The following DAB1 variants were observed in gnomAD, a reference collection of about 807,000 sequenced individuals.
DAB1 encodes DAB adaptor protein 1.
DAB1 carries 15 observed loss-of-function variants against 64.6 expected under a neutral mutation model. That is an observed-to-expected ratio of 0.23 (90% CI 0.16 to 0.36). The LOEUF (loss-of-function observed/expected upper bound fraction) is 0.36. Among genes scored for constraint, DAB1 ranks in the 10% least tolerant of loss-of-function variants. The probability of loss-of-function intolerance (pLI) is 1.00; values close to 1 mark genes in which losing one functional copy is unlikely to be tolerated. For missense variants in DAB1, 596 were observed against 706.7 expected (o/e 0.84, Z 1.78); for synonymous variants, 235 against 251.9 (o/e 0.93, Z 0.64).
At chr1:58,211,015 C>T (rs1658527055) in intron 4 of DAB1, among the ~76,000 whole-genome samples, 2 of 152,158 alleles carry the variant, frequency 1.3e-5, no homozygotes, top group Admixed American at 1.3e-4. Flanking sequence ...CTTGCAGTGG[C>T]CCTGAGGTAG....
chr1:58,393,046 A>G (rs910459624), intron 3 of DAB1, among the ~76,000 whole-genome samples: 3 of 151,614 alleles, frequency 2.0e-5, no homozygotes, highest in African/African-American at 7.3e-5. Context: ...CTCACTATAA[A>G]CACTCTCACT....
At chr1:58,381,450 T>A (rs544060173) in intron 3 of DAB1, among the ~76,000 whole-genome samples, 3 of 152,306 alleles carry the variant, frequency 2.0e-5, no homozygotes, top group African/African-American at 7.2e-5. Flanking sequence ...TTAATACACG[T>A]TAAAGGCCTG....
chr1:58,069,246 A>G (rs1037236075), intron 5 of DAB1, among the ~76,000 whole-genome samples: 1 of 152,188 alleles, frequency 6.6e-6, no homozygotes, highest in African/African-American at 2.4e-5. Context: ...CTTACTGTAT[A>G]CCAGGCACTG....
intron 1 of DAB1, among the ~76,000 whole-genome samples, chr1:57,297,507 T>C (rs761415173): frequency 6.6e-5 from 10 of 151,396 alleles, no homozygotes; most frequent in Non-Finnish European, 1.0e-4. Context: ...TGTATGTGTA[T>C]GCATATATGT....
intron 7 of DAB1, among the ~76,000 whole-genome samples, chr1:57,541,521 G>C (rs906061552): frequency 6.6e-6 from 1 of 152,144 alleles, no homozygotes; most frequent in Non-Finnish European, 1.5e-5. Context: ...AACAAAGGAG[G>C]CTTTCTGAGA....
chr1:58,402,114 C>A (rs1031540435), intron 3 of DAB1, among the ~76,000 whole-genome samples: 20 of 152,106 alleles, frequency 1.3e-4, no homozygotes, highest in Admixed American at 2.0e-4. Context: ...AGGGGCCCTG[C>A]ATTCATATGC....
chr1:58,475,876 A>G (rs1367581878), intron 3 of DAB1, among the ~76,000 whole-genome samples: 1 of 152,222 alleles, frequency 6.6e-6, no homozygotes, highest in African/African-American at 2.4e-5. Flanking sequence ...ATAATTTGGA[A>G]AAAACTAAAC....
intron 4 of DAB1, among the ~76,000 whole-genome samples, chr1:58,317,393 A>T (rs1239651853): frequency 1.3e-5 from 2 of 152,386 alleles, no homozygotes; most frequent in Admixed American, 6.5e-5. Context: ...GAGCTTGAAA[A>T]AGGGAGATTA....
At chr1:58,057,788 T>A (rs770481981) in intron 5 of DAB1, among the ~76,000 whole-genome samples, 20 of 152,168 alleles carry the variant, frequency 1.3e-4, no homozygotes, top group Non-Finnish European at 5.9e-5. Flanking sequence ...GGAATACATA[T>A]ACCCACCAAC....
intron 5 of DAB1, among the ~76,000 whole-genome samples, chr1:58,114,217 A>G (rs1199980118): frequency 6.6e-6 from 1 of 152,138 alleles, no homozygotes; most frequent in East Asian, 1.9e-4. Context: ...AGCTGAGATC[A>G]AGCCACTGCA....
chr1:57,916,449 C>A (rs1644728286), intron 5 of DAB1, among the ~76,000 whole-genome samples: 1 of 152,244 alleles, frequency 6.6e-6, no homozygotes, highest in African/African-American at 2.4e-5. Flanking sequence ...CTTGACATTT[C>A]AATCTTTCCA....
At chr1:58,127,299 TG>T (rs1393965577) in intron 5 of DAB1, among the ~76,000 whole-genome samples, 5 of 152,186 alleles carry the variant, frequency 3.3e-5, no homozygotes, top group Non-Finnish European at 5.9e-5. Flanking sequence ...CACTTTTTGA[TG>T]GGGTTGTTTG....
intron 1 of DAB1, among the ~76,000 whole-genome samples, chr1:57,870,684 AG>A (rs1439962104): frequency 6.6e-6 from 1 of 152,164 alleles, no homozygotes; most frequent in Non-Finnish European, 1.5e-5. Flanking sequence ...AGATTCTGCT[AG>A]GCATACAGCA....
chr1:58,043,034 C>T (rs11207157), intron 5 of DAB1, among the ~76,000 whole-genome samples: 69,173 of 151,930 alleles, frequency 0.46, 15,979 homozygotes, highest in African/African-American at 0.52. Context: ...TCAAATTCAG[C>T]ACAAAGGAGT....
intron 1 of DAB1, chr1:58,534,457 A>G: frequency 1.8e-6 from 1 of 548,356 alleles, no homozygotes; most frequent in Non-Finnish European, 3.2e-6. Context: ...AAATCTGCAT[A>G]TATTAAGCAC....
chr1:57,932,475 T>G (rs1644967127), intron 5 of DAB1, among the ~76,000 whole-genome samples: 1 of 151,412 alleles, frequency 6.6e-6, no homozygotes, highest in Non-Finnish European at 1.5e-5. Flanking sequence ...CTAATTTTTT[T>G]TTTTTTTTTG....
chr1:58,491,830 C>A (rs1645698046), intron 3 of DAB1, among the ~76,000 whole-genome samples: 1 of 152,038 alleles, frequency 6.6e-6, no homozygotes, highest in Non-Finnish European at 1.5e-5. Context: ...ACTTTAACAC[C>A]CCACTGTTAA....
intron 1 of DAB1, among the ~76,000 whole-genome samples, chr1:58,529,754 A>T (rs1470371885): frequency 3.9e-5 from 6 of 152,332 alleles, no homozygotes; most frequent in African/African-American, 1.4e-4. Flanking sequence ...AAAAACTACA[A>T]CTTAAAAATA....
In DAB1 at chr1:57,996,130, G is replaced by A. The variant is rs1456031132; in HGVS notation, n.388-111968C>T. Among the ~76,000 whole-genome samples, 4 of 152,074 alleles carry A rather than the reference G, an allele frequency of 2.6e-5. No homozygotes were observed. The East Asian group carries it at 7.7e-4, about 29-fold the overall frequency. On this transcript the variant is annotated intron_variant and non_coding_transcript_variant, in intron 5 of 20. Transcript: ENST00000485760. ...AAAAATTAGCTAGGCATGGTGGCGG[G>A]TGCCTGTAATCTCAGCTCCTCAGGA...
Sources: allele counts gnomAD v4.1 joint callset (sites outside exome capture counted in the v4.1 genomes callset), GRCh38; gene constraint gnomAD v4.1.1; transcripts MANE v1.5; gene names NCBI Gene and HGNC (gene_info 2026-07-23, HGNC 2026-07-21).